Variants in CHRM3 observed in about 807,000 individuals in gnomAD.
CHRM3 encodes the protein cholinergic receptor muscarinic 3.
In CHRM3, 11 loss-of-function variants were observed where a neutral mutation model predicts 41.8. The observed-to-expected ratio is 0.26, with a 90% CI of 0.17 to 0.44. CHRM3 has a LOEUF of 0.44. Among genes scored for constraint, CHRM3 ranks in the 20% least tolerant of loss-of-function variants. CHRM3 has a pLI of 1.00. For synonymous variants in CHRM3, 297 were observed against 301.4 expected, an observed-to-expected ratio of 0.99 and a Z score of 0.15; for missense variants, 571 against 745.4, an observed-to-expected ratio of 0.77 and a Z score of 2.72.
At chr1:239,535,946 G>C (rs1658158215) in intron 2 of CHRM3, among the ~76,000 whole-genome samples, 1 of 152,134 alleles carries the variant, frequency 6.6e-6, no homozygotes, top group African/African-American at 2.4e-5. Context: ...ATGAGGCTGA[G>C]GCAGGTTAGA....
chr1:239,532,009 CT>C (rs34798101), intron 2 of CHRM3, among the ~76,000 whole-genome samples: 3,280 of 76,228 alleles, frequency 0.043, 21 homozygotes, highest in African/African-American at 0.074. Context: ...TTCCTTCTTT[CT>C]TTTTTTTTTT....
intron 3 of CHRM3, among the ~76,000 whole-genome samples, chr1:239,580,650 G>T (rs1662786901): frequency 7.4e-6 from 1 of 134,578 alleles, no homozygotes; most frequent in African/African-American, 2.6e-5. Context: ...TCATTTGTAT[G>T]TGATTTTAGA....
chr1:239,811,181 C>T (rs1671086530), intron 5 of CHRM3, among the ~76,000 whole-genome samples: 1 of 152,194 alleles, frequency 6.6e-6, no homozygotes, highest in Non-Finnish European at 1.5e-5. Flanking sequence ...TGTGCTGTGA[C>T]TGGAGAGCAG....
chr1:239,672,101 T>C (rs1674432257), intron 4 of CHRM3, among the ~76,000 whole-genome samples: 1 of 152,168 alleles, frequency 6.6e-6, no homozygotes, highest in Non-Finnish European at 1.5e-5. Context: ...TGTAGCCCTC[T>C]ATTGATGTTT....
chr1:239,618,236 T>G (rs1017588192), intron 3 of CHRM3, among the ~76,000 whole-genome samples: 1 of 150,348 alleles, frequency 6.7e-6, no homozygotes, highest in Admixed American at 6.7e-5. Context: ...GTGAAAGAGA[T>G]AGACATGTGA....
chr1:239,624,711 T>C (rs1285173729), intron 3 of CHRM3, among the ~76,000 whole-genome samples: 26 of 98,282 alleles, frequency 2.6e-4, no homozygotes, highest in Non-Finnish European at 3.9e-4. Context: ...TTCAGCTTTC[T>C]ACATATGGCT....
chr1:239,884,221 C>A (rs1348091843), intron 6 of CHRM3, among the ~76,000 whole-genome samples: 1 of 152,142 alleles, frequency 6.6e-6, no homozygotes, highest in African/African-American at 2.4e-5. Flanking sequence ...AAGAGATCAT[C>A]CTGGATTATT....
At chr1:239,866,160 A>G (rs150083019) in intron 6 of CHRM3, among the ~76,000 whole-genome samples, 6,250 of 152,118 alleles carry the variant, frequency 0.041, 437 homozygotes, top group African/African-American at 0.14. Flanking sequence ...GGCGGATCAC[A>G]AGATCAGGAG....
intron 4 of CHRM3, among the ~76,000 whole-genome samples, chr1:239,646,010 G>A (rs1298876813): frequency 6.6e-6 from 1 of 152,070 alleles, no homozygotes; most frequent in East Asian, 1.9e-4. Context: ...TAAACAACAT[G>A]CACAATACAT....
At chr1:239,516,243 A>C (rs1796830) in intron 2 of CHRM3, among the ~76,000 whole-genome samples, 76,937 of 152,016 alleles carry the variant, frequency 0.51, 19,769 homozygotes, top group Middle Eastern at 0.65. Flanking sequence ...GCAATTATGC[A>C]AACACATTAA....
At chr1:239,789,733 GACCCA>G (rs1477134785) in intron 5 of CHRM3, among the ~76,000 whole-genome samples, 4 of 152,164 alleles carry the variant, frequency 2.6e-5, no homozygotes, top group Non-Finnish European at 5.9e-5. Flanking sequence ...CCACCCCTAT[GACCCA>G]ACCACCTCCC....
intron 1 of CHRM3, among the ~76,000 whole-genome samples, chr1:239,459,767 G>C (rs1281309244): frequency 6.6e-6 from 1 of 152,106 alleles, no homozygotes; most frequent in African/African-American, 2.4e-5. Flanking sequence ...TTAGTGGTGA[G>C]AGAGCTTTTG....
chr1:239,808,498 C>T (rs12077627), intron 5 of CHRM3, among the ~76,000 whole-genome samples: 44,150 of 151,916 alleles, frequency 0.29, 7,851 homozygotes, highest in African/African-American at 0.51. Flanking sequence ...CACTCCTGTG[C>T]GAGTGATCTT....
At chr1:239,798,322 G>A (rs1239887224) in intron 5 of CHRM3, among the ~76,000 whole-genome samples, 1 of 152,174 alleles carries the variant, frequency 6.6e-6, no homozygotes, top group Non-Finnish European at 1.5e-5. Flanking sequence ...AAAGTTATAT[G>A]TGGGTTTTCG....
intron 3 of CHRM3, among the ~76,000 whole-genome samples, chr1:239,614,600 G>A (rs1667426643): frequency 6.6e-6 from 1 of 152,122 alleles, no homozygotes; most frequent in African/African-American, 2.4e-5. Context: ...TGGACATAAT[G>A]GTTAGAATTT....
intron 5 of CHRM3, among the ~76,000 whole-genome samples, chr1:239,792,336 C>G (rs1669418563): frequency 1.3e-5 from 2 of 152,140 alleles, no homozygotes; most frequent in South Asian, 2.1e-4. Flanking sequence ...TCTCTGTGAT[C>G]TCTCAGACTG....
intron 6 of CHRM3, among the ~76,000 whole-genome samples, chr1:239,845,407 A>G (rs543785813): frequency 6.6e-6 from 1 of 152,268 alleles, no homozygotes; most frequent in South Asian, 2.1e-4. Context: ...TTAAATGAAG[A>G]TATTTACAAG....
intron 3 of CHRM3, chr1:239,605,961 T>C (rs1010967761): frequency 1.3e-5 from 2 of 152,186 alleles, no homozygotes; most frequent in African/African-American, 4.8e-5. Flanking sequence ...ATTTTCATAA[T>C]ACTGCTAAGA....
At chr1:239,820,382 A>G (rs1426180539) in intron 5 of CHRM3, among the ~76,000 whole-genome samples, 1 of 152,198 alleles carries the variant, frequency 6.6e-6, no homozygotes, top group East Asian at 1.9e-4. Context: ...GGGGCCACAG[A>G]GCAGATGATG....
Sources: allele counts gnomAD v4.1 joint callset (sites outside exome capture counted in the v4.1 genomes callset), GRCh38; gene constraint gnomAD v4.1.1; transcripts MANE v1.5; gene names NCBI Gene and HGNC (gene_info 2026-07-23, HGNC 2026-07-21).